The following PITPNC1 variants were observed in gnomAD, a reference collection of about 807,000 sequenced individuals.
PITPNC1 encodes the protein phosphatidylinositol transfer protein cytoplasmic 1.
Under a neutral mutation model 44.7 loss-of-function variants are expected in PITPNC1, and 18 were observed. The ratio of observed to expected loss-of-function variants is 0.40; its 90% CI spans 0.28 to 0.60. PITPNC1 has a LOEUF of 0.60. Among genes scored for constraint, PITPNC1 ranks in the 20% least tolerant of loss-of-function variants. The probability of loss-of-function intolerance (pLI) is 0.39; values close to 1 mark genes in which losing one functional copy is unlikely to be tolerated. For synonymous variants in PITPNC1, 141 were observed against 149.6 expected (o/e 0.94, Z 0.42); for missense variants, 290 against 418.4 (o/e 0.69, Z 2.68).
intron 1 of PITPNC1, among the ~76,000 whole-genome samples, chr17:67,443,779 C>T (rs9910218): frequency 0.13 from 20,216 of 151,606 alleles, 1,592 homozygotes; most frequent in East Asian, 0.27. Flanking sequence ...GAATTACAGG[C>T]GTCTGCCACC....
chr17:67,668,654 G>A (rs1471268404), intron 6 of PITPNC1, among the ~76,000 whole-genome samples: 1 of 152,114 alleles, frequency 6.6e-6, no homozygotes, highest in East Asian at 1.9e-4. Flanking sequence ...ACGAGGTCAG[G>A]AGATCGAGAC....
chr17:67,593,905 A>C (rs1379146850), intron 5 of PITPNC1, among the ~76,000 whole-genome samples: 3 of 152,178 alleles, frequency 2.0e-5, no homozygotes, highest in Non-Finnish European at 4.4e-5. Context: ...CACTTAAAAA[A>C]AATAAGGCAC....
At chr17:67,543,829 C>A (rs8066235) in intron 2 of PITPNC1, among the ~76,000 whole-genome samples, 14,713 of 152,152 alleles carry the variant, frequency 0.097, 705 homozygotes, top group Non-Finnish European at 0.11. Context: ...TGCATTAGTA[C>A]ATTTACATTA....
intron 5 of PITPNC1, among the ~76,000 whole-genome samples, chr17:67,624,230 T>TTTC (rs1567745244): frequency 6.8e-6 from 1 of 147,120 alleles, no homozygotes. Flanking sequence ...TTTTTTTTTT[T>TTTC]CCTCAGGGTT....
At chr17:67,586,861 GGGAGTCCAGTT>G (rs1407390616) in intron 5 of PITPNC1, among the ~76,000 whole-genome samples, 1 of 152,190 alleles carries the variant, frequency 6.6e-6, no homozygotes, top group East Asian at 1.9e-4. Context: ...ACTGGAAGCA[GGGAGTCCAGTT>G]GGTAGGCTAT....
Position 67,603,938 on chromosome 17 carries a change from G to A in PITPNC1, c.366+25681G>A, listed in dbSNP as rs569376772. ...CAACAGAACGAGACTCTGTCTCATA[G>A]ATTTAAAAAAAAAAAAAAAACTGTA... On this transcript the variant is annotated intron_variant, in intron 5 of 8. Transcript: ENST00000581322. 9.0e-5 allele frequency among the ~76,000 whole-genome samples: 13 copies of A among 144,064 alleles called. No individual in the cohort carries two copies. The South Asian group carries it at 2.7e-3, about 30-fold the overall frequency. The allele number at this position is 144,064 out of a possible 152,430, so 94.5% of individuals were successfully genotyped here.
rs1003347484 is a variant in PITPNC1, at chr17:67,693,620, A to C, written c.*732A>C. ...ACCATAACTGATTTTGGAATGGTTCAGTTTAGGAACCAAGAGGCCCAGGTG... is the reference window on the plus strand; with the variant it reads ...ACCATAACTGATTTTGGAATGGTTCCGTTTAGGAACCAAGAGGCCCAGGTG... On this transcript the variant is annotated 3_prime_UTR_variant, in exon 9 of 9. Transcript: ENST00000581322. The C allele has an allele frequency of 2.0e-5, 3 of 152,484 alleles. No individual in the cohort carries two copies. Among genetic ancestry groups the C allele is most frequent in the Admixed American group, 6.5e-5 (1 of 15,284 alleles). The allele number at this position is 152,484 out of a possible 1,614,324, so 9.4% of individuals were successfully genotyped here.
chr17:67,546,720 G>A (rs559687504), intron 2 of PITPNC1, among the ~76,000 whole-genome samples: 5 of 152,294 alleles, frequency 3.3e-5, no homozygotes, highest in African/African-American at 7.2e-5. Flanking sequence ...CAGGGAGGTC[G>A]GGGGTGGGGC....
chr17:67,677,868 C>A (rs1330914017), intron 8 of PITPNC1, among the ~76,000 whole-genome samples: 1 of 151,690 alleles, frequency 6.6e-6, no homozygotes, highest in Non-Finnish European at 1.5e-5. Flanking sequence ...CTGCGCCCGG[C>A]CTTAGGGACT....
At chr17:67,519,171 G>GTTTTTT (rs563294178) in intron 1 of PITPNC1, among the ~76,000 whole-genome samples, 6 of 78,752 alleles carry the variant, frequency 7.6e-5, no homozygotes, top group Non-Finnish European at 1.1e-4. Flanking sequence ...GCAGCATTCT[G>GTTTTTT]TTTTTTTTTT....
intron 1 of PITPNC1, among the ~76,000 whole-genome samples, chr17:67,385,929 C>CT (rs1368411646): frequency 6.6e-6 from 1 of 152,144 alleles, no homozygotes; most frequent in Non-Finnish European, 1.5e-5. Flanking sequence ...GTACCTGGCG[C>CT]AGGAGATAGA....
At chr17:67,378,313 C>T in intron 1 of PITPNC1, 111 bp downstream of exon 1, 3 of 612,608 alleles carry the variant, frequency 4.9e-6, no homozygotes, top group Non-Finnish European at 7.8e-6. Context: ...TGGACGTTAC[C>T]CCGCAAACCC....
At chr17:67,399,009 T>A (rs978941307) in intron 1 of PITPNC1, among the ~76,000 whole-genome samples, 1 of 66,288 alleles carries the variant, frequency 1.5e-5, no homozygotes, top group Admixed American at 1.4e-4. Context: ...GAGGATCAGC[T>A]TTTTTTTTTT....
intron 1 of PITPNC1, among the ~76,000 whole-genome samples, chr17:67,391,240 A>G (rs2038134422): frequency 6.6e-6 from 1 of 152,130 alleles, no homozygotes; most frequent in African/African-American, 2.4e-5. Context: ...CACTCAGAGA[A>G]ATAAGATTGG....
At chr17:67,448,561 A>G (rs1442822004) in intron 1 of PITPNC1, among the ~76,000 whole-genome samples, 1 of 152,148 alleles carries the variant, frequency 6.6e-6, no homozygotes, top group African/African-American at 2.4e-5. Flanking sequence ...TACCTTGATT[A>G]ATCTCACCTC....
chr17:67,540,592 G>A (rs781018344), intron 2 of PITPNC1, among the ~76,000 whole-genome samples: 8 of 151,854 alleles, frequency 5.3e-5, no homozygotes, highest in African/African-American at 9.7e-5. Context: ...CCTTTCTCTC[G>A]ATTTTTTATA....
In PITPNC1 at chr17:67,692,605, G is replaced by A. The variant is rs374357976; in HGVS notation, c.716G>A (p.Arg239Gln). The A allele has an allele frequency of 1.7e-5, 27 of 1,613,376 alleles. No homozygotes were observed. Among genetic ancestry groups the A allele is most frequent in the Middle Eastern group, 1.6e-4 (1 of 6,082 alleles). The change falls in exon 9 of 9, where the codon CGA becomes CAA. Residue 239 changes from arginine (R) to glutamine (Q), a missense_variant. Arg to Gln is a conservative substitution (Grantham distance 43, BLOSUM62 1). Transcript: ENST00000581322. ...MTMDEVREFE[R>Q]ATQEATNKKI... ...ATGGATGAAGTCCGAGAATTTGAAC[G>A]AGCCACTCAGGAAGCCACCAACAAG...
intron 5 of PITPNC1, among the ~76,000 whole-genome samples, chr17:67,610,037 C>T (rs1196780151): frequency 1.2e-4 from 19 of 152,176 alleles, no homozygotes; most frequent in Non-Finnish European, 4.4e-5. Flanking sequence ...CAGTGACTGG[C>T]ACCCAAGACC....
At chr17:67,455,959 G>A (rs961139243) in intron 1 of PITPNC1, among the ~76,000 whole-genome samples, 7 of 152,060 alleles carry the variant, frequency 4.6e-5, no homozygotes, top group Non-Finnish European at 1.0e-4. Context: ...ATAATGAAAC[G>A]TACACTTATG....
Sources: gnomAD v4.1 joint callset for allele counts (sites outside exome capture counted in the v4.1 genomes callset) on GRCh38, gnomAD v4.1.1 for gene constraint, MANE v1.5 for transcripts, NCBI Gene and HGNC (gene_info 2026-07-23, HGNC 2026-07-21) for gene names.